The following REPS2 variants were observed in gnomAD, a reference collection of about 807,000 sequenced individuals.
REPS2 encodes the protein ralBP1-associated Eps domain-containing protein 2.
Under a neutral mutation model 53.6 loss-of-function variants are expected in REPS2, and 23 were observed. The observed-to-expected ratio is 0.43, with a 90% CI of 0.31 to 0.61. The LOEUF is 0.61. Ranked by LOEUF, REPS2 falls within the 20% of genes least tolerant of loss-of-function variation. The pLI is 0.11. For missense variants in REPS2, 446 were observed against 534.9 expected (o/e 0.83, Z 1.64); for synonymous variants, 238 against 218.6 (o/e 1.09, Z -0.78).
At chrX:17,189,367 C>A in the REPS2 span, among the ~76,000 whole-genome samples, 1 of 108,658 alleles carries the variant, frequency 9.2e-6, no homozygotes, top group African/African-American at 3.4e-5. Context: ...CTCACTGCAA[C>A]CTCCGCCTCC....
chrX:17,043,356 A>G (rs763828321), intron 5 of REPS2, among the ~76,000 whole-genome samples: 17 of 111,387 alleles, frequency 1.5e-4, no homozygotes, highest in Non-Finnish European at 3.0e-4. Flanking sequence ...TGGGAATCTA[A>G]GAAATGAGAG....
rs568298242 is a variant in REPS2, at chrX:16,975,535, G to A, written c.273+28401G>A. On this transcript the variant is annotated intron_variant, in intron 1 of 17. Coordinates refer to ENST00000357277, the MANE Select transcript of REPS2 (RefSeq NM_004726.3). ...ATGTCTTCTTTTGAAAAGTGTCTGA[G>A]ATTATGCATTTTTGTCTGGAATACT... Among the ~76,000 whole-genome samples the A allele has an allele frequency of 4.0e-4, 44 of 111,107 alleles. 1 individual carries two copies. In the South Asian group the frequency reaches 0.015, roughly 37 times the overall value.
At chrX:16,970,959 A>G (rs764534618) in intron 1 of REPS2, among the ~76,000 whole-genome samples, 37 of 112,543 alleles carry the variant, frequency 3.3e-4, no homozygotes, top group Middle Eastern at 9.2e-3. Flanking sequence ...ACACTTGTGT[A>G]TAGGTTTTTG....
chrX:17,134,857 C>T (rs753103332), intron 15 of REPS2, among the ~76,000 whole-genome samples: 8 of 110,467 alleles, frequency 7.2e-5, no homozygotes, highest in African/African-American at 2.0e-4. Context: ...CTCCTGACCT[C>T]GTGATCCGAC....
chrX:17,042,950 C>T (rs1422993459), intron 5 of REPS2, among the ~76,000 whole-genome samples: 1 of 106,303 alleles, frequency 9.4e-6, no homozygotes, highest in African/African-American at 3.3e-5. Context: ...TGCATGCCAC[C>T]ATGCTTGGCA....
chrX:17,067,316 T>G (rs976817683), intron 9 of REPS2, among the ~76,000 whole-genome samples: 21 of 111,873 alleles, frequency 1.9e-4, no homozygotes, highest in African/African-American at 6.8e-4. Flanking sequence ...ACAAAAAATA[T>G]ATATTTATGA....
chrX:17,167,449 CT>C, the REPS2 span, among the ~76,000 whole-genome samples: 13 of 110,659 alleles, frequency 1.2e-4, no homozygotes, highest in African/African-American at 4.3e-4. Flanking sequence ...TGTAACACCT[CT>C]CCTGAACCTT....
intron 1 of REPS2, among the ~76,000 whole-genome samples, chrX:17,003,163 A>G (rs2061326239): frequency 8.9e-6 from 1 of 111,806 alleles, no homozygotes; most frequent in South Asian, 3.7e-4. Flanking sequence ...TACAGTGGAG[A>G]TAATTATCAA....
intron 1 of REPS2, among the ~76,000 whole-genome samples, chrX:16,962,276 T>TACACACACACACACACAC (rs61520216): frequency 7.3e-5 from 6 of 81,859 alleles, no homozygotes; most frequent in Non-Finnish European, 1.4e-4. Context: ...TATCGTGGGA[T>TACACACACACACACACAC]ACACACACAC....
At chrX:16,962,072 A>G (rs1038785896) in intron 1 of REPS2, among the ~76,000 whole-genome samples, 3 of 111,778 alleles carry the variant, frequency 2.7e-5, no homozygotes, top group Admixed American at 1.9e-4. Context: ...GGAAAATGGT[A>G]TAGAAGTGCC....
intron 6 of REPS2, among the ~76,000 whole-genome samples, chrX:17,049,768 A>G (rs1409052380): frequency 9.0e-6 from 1 of 111,575 alleles, no homozygotes; most frequent in Non-Finnish European, 1.9e-5. Context: ...AGTTATTTTA[A>G]AATTGTACAG....
At position 16,983,732 on chromosome X, in the gene REPS2, T is replaced by C. The variant is rs374388917; in HGVS notation, c.274-22489T>C. ...TTGGCCAGGCTGGTCTCTTAACTTT[T>C]GGCCTCCTGTGATCCCCCAGCCTTG... On this transcript the variant is annotated intron_variant, in intron 1 of 17. Transcript: ENST00000357277. Among the ~76,000 whole-genome samples, 10 of 112,929 alleles carry C rather than the reference T, an allele frequency of 8.9e-5. No homozygotes were observed. In the East Asian group the frequency reaches 2.0e-3, roughly 22 times the overall value.
intron 16 of REPS2, chrX:17,138,090 C>T (rs2063395468): frequency 8.9e-6 from 1 of 112,445 alleles, no homozygotes; most frequent in Non-Finnish European, 1.9e-5. Context: ...TAGATTATCC[C>T]TGTGGTAACT....
At chrX:17,071,946 A>G (rs1404225256) in intron 11 of REPS2, among the ~76,000 whole-genome samples, 1 of 111,405 alleles carries the variant, frequency 9.0e-6, no homozygotes. Context: ...TCCCATTCCA[A>G]CCTAATTCAG....
Position 16,946,910 on chromosome X carries a change from G to A in REPS2, c.49G>A (p.Ala17Thr). ...AAAAAAAAAA[A>T]GGGCGSGPPP... ...GGCGGCGGCAGCGGCAGCGGCAGCGGCGGGCGGGGGCTGTGGCTCCGGGCC... is the reference window on the plus strand; with the variant it reads ...GGCGGCGGCAGCGGCAGCGGCAGCGACGGGCGGGGGCTGTGGCTCCGGGCC... The change falls in exon 1 of 18, where the codon GCG becomes ACG. Residue 17 changes from alanine to threonine, a missense_variant. Ala to Thr is a moderately conservative substitution (Grantham distance 58). Coordinates refer to ENST00000357277, the MANE Select transcript of REPS2 (RefSeq NM_004726.3). 1 of 794,917 alleles carries A rather than the reference G, an allele frequency of 1.3e-6. No homozygotes were observed. Among genetic ancestry groups the A allele is most frequent in the Non-Finnish European group, 1.5e-6 (1 of 667,833 alleles). The allele number at this position is 794,917 out of a possible 1,213,427, so 65.5% of individuals were successfully genotyped here. A position where few individuals can be genotyped will look rare whatever the true frequency, so the allele number is the denominator to read the frequency against.
the REPS2 span, among the ~76,000 whole-genome samples, chrX:17,158,657 G>A: frequency 8.9e-6 from 1 of 112,048 alleles, no homozygotes; most frequent in South Asian, 3.7e-4. Context: ...GTTTTGGCAA[G>A]CTGAAGAACA....
At chrX:17,065,467 TC>T (rs2062212660) in intron 9 of REPS2, among the ~76,000 whole-genome samples, 1 of 112,958 alleles carries the variant, frequency 8.9e-6, no homozygotes. Flanking sequence ...GCATTACTTG[TC>T]TATTGAATTG....
the REPS2 span, among the ~76,000 whole-genome samples, chrX:17,164,606 A>C: frequency 8.9e-6 from 1 of 112,116 alleles, no homozygotes; most frequent in South Asian, 3.7e-4. Flanking sequence ...AAAGCTGTCA[A>C]AATTGAAGCA....
At chrX:17,012,995 T>C (rs1448279224) in intron 2 of REPS2, among the ~76,000 whole-genome samples, 1 of 112,525 alleles carries the variant, frequency 8.9e-6, no homozygotes, top group Non-Finnish European at 1.9e-5. Context: ...AGGCAAATCA[T>C]TGAATTCCCT....
Sources: allele counts gnomAD v4.1 joint callset (sites outside exome capture counted in the v4.1 genomes callset), GRCh38; gene constraint gnomAD v4.1.1; transcripts MANE v1.5; gene names NCBI Gene and HGNC (gene_info 2026-07-23, HGNC 2026-07-21).